The following MAP2K5 variants were observed in gnomAD, a reference collection of about 807,000 sequenced individuals.
MAP2K5 encodes mitogen-activated protein kinase kinase 5, also known as dual specificity mitogen-activated protein kinase kinase 5.
A neutral mutation model predicts 83.1 loss-of-function variants in MAP2K5; 49 were observed. That is an observed-to-expected ratio of 0.59 (90% confidence interval 0.47 to 0.75). The LOEUF (loss-of-function observed/expected upper bound fraction) is 0.75, where lower values mean the gene tolerates loss of function less well. Among genes scored for constraint, MAP2K5 ranks in the 30% least tolerant of loss-of-function variants. MAP2K5 has a pLI of 0.00. For missense variants in MAP2K5, 457 were observed against 557.5 expected, an observed-to-expected ratio of 0.82 and a Z score of 1.82; for synonymous variants, 202 against 191.8, an observed-to-expected ratio of 1.05 and a Z score of -0.44.
At position 67,793,044 on chromosome 15, in the gene MAP2K5, C is replaced by G. The variant is rs941158052; in HGVS notation, c.1243-13602C>G. Among the ~76,000 whole-genome samples, 1 of 152,176 alleles carries G rather than the reference C, an allele frequency of 6.6e-6. No individual in the cohort carries two copies. Among genetic ancestry groups the G allele is most frequent in the Non-Finnish European group, 1.5e-5 (1 of 68,016 alleles). On this transcript the variant is annotated intron_variant, in intron 21 of 21. Coordinates refer to ENST00000178640, the MANE Select transcript of MAP2K5 (RefSeq NM_145160.3). This position sits in a 1 kb window ranked among gnomAD's most constrained non-coding sequence, Gnocchi z 4.6. Reference sequence around the variant, plus strand: ...AACTGTAGTGTATTCTTTATAAAATCAAACTTTAAAAAATTACAAGCAAGA... The same window carrying G: ...AACTGTAGTGTATTCTTTATAAAATGAAACTTTAAAAAATTACAAGCAAGA...
At chr15:67,634,381 A>T (rs2086547686) in intron 9 of MAP2K5, among the ~76,000 whole-genome samples, 1 of 58,234 alleles carries the variant, frequency 1.7e-5, no homozygotes, top group Non-Finnish European at 3.1e-5. Flanking sequence ...AAAAAAAAAA[A>T]AAAAAAAAAA....
chr15:67,658,765 T>C, intron 12 of MAP2K5, 151 bp downstream of exon 12: 1 of 688,816 alleles, frequency 1.5e-6, no homozygotes. Context: ...GTTCTTCTTT[T>C]CATAGACCAG....
chr15:67,645,960 TA>T (rs1458708041), intron 9 of MAP2K5, among the ~76,000 whole-genome samples: 1 of 152,172 alleles, frequency 6.6e-6, no homozygotes, highest in Non-Finnish European at 1.5e-5. Context: ...TGTTATAACT[TA>T]ACTGACTTTT....
chr15:67,693,026 A>G (rs1381470620), intron 14 of MAP2K5, among the ~76,000 whole-genome samples: 1 of 152,198 alleles, frequency 6.6e-6, no homozygotes, highest in African/African-American at 2.4e-5. Flanking sequence ...TGTGATGTTG[A>G]TTTGAATTGC....
intron 8 of MAP2K5, among the ~76,000 whole-genome samples, chr15:67,613,916 A>G: frequency 6.6e-6 from 1 of 152,188 alleles, no homozygotes; most frequent in South Asian, 2.1e-4. Context: ...GTGTTCTAGA[A>G]GAGGTAATTT....
chr15:67,588,819 T>C lies in MAP2K5; in HGVS notation c.431+1906T>C, dbSNP rs777093268. Among the ~76,000 whole-genome samples, 113 of 152,204 alleles carry C rather than the reference T, an allele frequency of 7.4e-4. 1 individual carries two copies. Among genetic ancestry groups the C allele is most frequent in the Middle Eastern group, 3.4e-3 (1 of 294 alleles). Reference sequence around the variant, plus strand: ...CATTTAAATTTTAAAATGTTTTTATTTTATTACTTTTTTAGAGATGGGATC... The same window carrying C: ...CATTTAAATTTTAAAATGTTTTTATCTTATTACTTTTTTAGAGATGGGATC... On this transcript the variant is annotated intron_variant, in intron 6 of 21. Transcript: ENST00000178640.
At position 67,561,993 on chromosome 15, in the gene MAP2K5, T is replaced by C. The variant is rs2084746301; in HGVS notation, c.185-1290T>C. Among the ~76,000 whole-genome samples, 1 of 152,192 alleles carries C rather than the reference T, an allele frequency of 6.6e-6. No homozygotes were observed. Among genetic ancestry groups the C allele is most frequent in the Non-Finnish European group, 1.5e-5 (1 of 68,028 alleles). On this transcript the variant is annotated intron_variant, in intron 2 of 21. Transcript: ENST00000178640. The surrounding 1 kb of genome is among the most constrained non-coding windows in gnomAD (Gnocchi z 4.2). Reference sequence around the variant, plus strand: ...GCTTATTCTCTTCATGATGAGAGATTTGTCTGAGGTTCTCCAGGCTTGGGA... The same window carrying C: ...GCTTATTCTCTTCATGATGAGAGATCTGTCTGAGGTTCTCCAGGCTTGGGA...
intron 16 of MAP2K5, among the ~76,000 whole-genome samples, chr15:67,711,903 G>A (rs979232289): frequency 6.6e-6 from 1 of 152,222 alleles, no homozygotes. Flanking sequence ...TTGCTTTAAA[G>A]TCAGTTTGAC....
At position 67,806,763 on chromosome 15, in the gene MAP2K5, G is replaced by A. The variant is rs1191134131; in HGVS notation, c.*13G>A. ...GGGGCCCCCGTGAGGCTGCCGCAGG[G>A]CACTGAAAGCCCAGGACCAGTAACC... is the stretch of plus-strand genomic sequence containing the variant. On this transcript the variant is annotated 3_prime_UTR_variant, in exon 22 of 22. Coordinates refer to ENST00000178640, the MANE Select transcript of MAP2K5 (RefSeq NM_145160.3). 1 of 1,567,246 alleles carries A rather than the reference G, an allele frequency of 6.4e-7. No individual in the cohort carries two copies. Among genetic ancestry groups the A allele is most frequent in the Non-Finnish European group, 8.6e-7 (1 of 1,160,312 alleles).
chr15:67,746,265 A>G lies in MAP2K5; in HGVS notation c.1075-1966A>G, dbSNP rs2089603504. On this transcript the variant is annotated intron_variant, in intron 17 of 21. Transcript: ENST00000178640. The surrounding 1 kb of genome is among the most constrained non-coding windows in gnomAD (Gnocchi z 4.1). ...TTCTGAATTCATTTCAAAACCTCTCACTTAGAATGTTTGCTGCATGTTCTC... is the reference window on the plus strand; with the variant it reads ...TTCTGAATTCATTTCAAAACCTCTCGCTTAGAATGTTTGCTGCATGTTCTC... Among the ~76,000 whole-genome samples, 1 of 152,122 alleles carries G rather than the reference A, an allele frequency of 6.6e-6. No homozygotes were observed. The highest frequency in any genetic ancestry group is 6.5e-5 in the Admixed American group (1 of 15,276).
chr15:67,762,243 T>C (rs1328555458), intron 19 of MAP2K5, among the ~76,000 whole-genome samples: 4 of 152,324 alleles, frequency 2.6e-5, no homozygotes, highest in East Asian at 3.9e-4. Context: ...ATGAGACAAG[T>C]ATGTTTTTTG....
chr15:67,586,914 G>A lies in MAP2K5; in HGVS notation c.431+1G>A. ...TCTCAGATTCACTTCCAAGCAATAG[G>A]TGCGAGCGAGCAAGTAAAGTGTGCC... On this transcript the variant is annotated splice_donor_variant, in intron 6 of 21. Coordinates refer to ENST00000178640, the MANE Select transcript of MAP2K5 (RefSeq NM_145160.3). LOFTEE classifies it high-confidence loss of function. 6.2e-7 allele frequency: 1 copy of A among 1,614,114 alleles called. No individual in the cohort carries two copies. Among genetic ancestry groups the A allele is most frequent in the Non-Finnish European group, 8.5e-7 (1 of 1,180,004 alleles).
In MAP2K5 at chr15:67,574,120, T is replaced by A. The variant is rs115271485; in HGVS notation, c.253-6634T>A. Among the ~76,000 whole-genome samples the A allele has an allele frequency of 2.0e-5, 3 of 152,352 alleles. No homozygotes were observed. In the South Asian group the frequency reaches 6.2e-4, roughly 32 times the overall value. On this transcript the variant is annotated intron_variant, in intron 3 of 21. Coordinates refer to ENST00000178640, the MANE Select transcript of MAP2K5 (RefSeq NM_145160.3). ...CCATCTCTTGGGGTATGGATAAGGA[T>A]CCCTTTCTGATAACAGTATTTCTCA...
intron 21 of MAP2K5, among the ~76,000 whole-genome samples, chr15:67,799,116 C>T (rs1326231352): frequency 1.3e-5 from 2 of 152,254 alleles, no homozygotes; most frequent in African/African-American, 4.8e-5. Context: ...TTGCAGTGAG[C>T]CGAGATCGCG....
rs1387583058 is a variant in MAP2K5 at position 67,786,873 on chromosome 15, T to C, written c.1242+14121T>C. The stretch of plus-strand genomic sequence containing the variant: ...TAAATGGTAACCATTTTTATCGTCA[T>C]TGTCATCATCATCACTGCTAATAAC... On this transcript the variant is annotated intron_variant, in intron 21 of 21. Transcript: ENST00000178640. The surrounding 1 kb of genome is among the most constrained non-coding windows in gnomAD (Gnocchi z 4.7). Among the ~76,000 whole-genome samples the C allele has an allele frequency of 6.6e-6, 1 of 152,236 alleles. No homozygotes were observed. The highest frequency in any genetic ancestry group is 1.5e-5 in the Non-Finnish European group (1 of 68,048).
Position 67,755,221 on chromosome 15 carries a change from G to A in MAP2K5, c.1134+6620G>A, listed in dbSNP as rs1043341086. On this transcript the variant is annotated intron_variant, in intron 19 of 21. Transcript: ENST00000178640. This position sits in a 1 kb window ranked among gnomAD's most constrained non-coding sequence, Gnocchi z 4.7. Reference sequence around the variant, plus strand: ...CTCAAACTCCTGACCTCAAGTGATCGCCCGCCTCAGCCTCCCAAAGTGCTA... The same window carrying A: ...CTCAAACTCCTGACCTCAAGTGATCACCCGCCTCAGCCTCCCAAAGTGCTA... 2.6e-5 allele frequency among the ~76,000 whole-genome samples: 4 copies of A among 151,870 alleles called. No homozygotes were observed. Among genetic ancestry groups the A allele is most frequent in the Non-Finnish European group, 5.9e-5 (4 of 67,944 alleles).
chr15:67,627,678 G>A lies in MAP2K5; in HGVS notation c.546-3210G>A, dbSNP rs563408778. 1.6e-4 allele frequency among the ~76,000 whole-genome samples: 24 copies of A among 152,276 alleles called. 1 individual carries two copies. The South Asian group carries it at 5.0e-3, about 32-fold the overall frequency. On this transcript the variant is annotated intron_variant, in intron 8 of 21. Transcript: ENST00000178640. ...AGTCACCTTCAAAAAACTCTTGTCA[G>A]TGATTGTTCAACTCTGTAAATTTAC...
intron 13 of MAP2K5, among the ~76,000 whole-genome samples, chr15:67,667,942 A>G (rs1397265770): frequency 6.6e-6 from 1 of 152,206 alleles, no homozygotes; most frequent in Non-Finnish European, 1.5e-5. Flanking sequence ...AAATCTGAGC[A>G]ATAAGCAGCG....
At position 67,747,092 on chromosome 15, in the gene MAP2K5, A is replaced by G. The variant is rs1342904999; in HGVS notation, c.1075-1139A>G. 6.6e-6 allele frequency among the ~76,000 whole-genome samples: 1 copy of G among 152,232 alleles called. No homozygotes were observed. The highest frequency in any genetic ancestry group is 1.5e-5 in the Non-Finnish European group (1 of 68,044). On this transcript the variant is annotated intron_variant, in intron 17 of 21. Coordinates refer to ENST00000178640, the MANE Select transcript of MAP2K5 (RefSeq NM_145160.3). This position sits in a 1 kb window ranked among gnomAD's most constrained non-coding sequence, Gnocchi z 4.1. ...AAAGGAGCTCTGGAGGAGCCCCAGCACCACCACACCCTGGCGCTGAGGCCT... is the reference window on the plus strand; with the variant it reads ...AAAGGAGCTCTGGAGGAGCCCCAGCGCCACCACACCCTGGCGCTGAGGCCT...
Sources: gnomAD v4.1 joint callset for allele counts (sites outside exome capture counted in the v4.1 genomes callset) on GRCh38, gnomAD v4.1.1 for gene constraint, Gnocchi (gnomAD v3.1) non-coding constraint, MANE v1.5 for transcripts, NCBI Gene and HGNC (gene_info 2026-07-23, HGNC 2026-07-21) for gene names.